The following ANKH variants were observed in gnomAD, a reference collection of about 807,000 sequenced individuals.
ANKH encodes ANKH inorganic pyrophosphate transport regulator, also known as mineralization regulator ANKH.
ANKH carries 15 observed loss-of-function variants against 49.0 expected under a neutral mutation model. The observed-to-expected ratio is 0.31, with a 90% CI of 0.20 to 0.47. The LOEUF (loss-of-function observed/expected upper bound fraction) is 0.47. Ranked by LOEUF, ANKH falls within the 20% of genes least tolerant of loss-of-function variation. ANKH has a pLI of 1.00. For missense variants in ANKH, 429 were observed against 652.0 expected (o/e 0.66, Z 3.72); for synonymous variants, 273 against 260.0 (o/e 1.05, Z -0.48).
chr5:14,865,918 G>C (rs927155729), intron 1 of ANKH, among the ~76,000 whole-genome samples: 3 of 152,114 alleles, frequency 2.0e-5, no homozygotes, highest in Admixed American at 2.0e-4. Context: ...TCTTATTCCA[G>C]GAATTGTCAC....
chr5:14,809,354 A>AAAAAAAAAAAAAAAG (rs1561065397), intron 1 of ANKH, among the ~76,000 whole-genome samples: 9 of 130,300 alleles, frequency 6.9e-5, no homozygotes, highest in East Asian at 2.7e-4. Context: ...AAAAAAAAAA[A>AAAAAAAAAAAAAAAG]AAAGAAAAAA....
intron 11 of ANKH, among the ~76,000 whole-genome samples, chr5:14,712,577 A>G (rs952630598): frequency 1.3e-5 from 2 of 152,240 alleles, no homozygotes; most frequent in African/African-American, 4.8e-5. Flanking sequence ...AAAGCAAGCC[A>G]TAGGCTGAAT....
At chr5:14,767,623 G>A (rs1285550185) in intron 2 of ANKH, among the ~76,000 whole-genome samples, 1 of 152,072 alleles carries the variant, frequency 6.6e-6, no homozygotes, top group Non-Finnish European at 1.5e-5. Flanking sequence ...CAGAATTACT[G>A]ACAACTGATA....
At chr5:14,790,472 A>G (rs1561056475) in intron 1 of ANKH, among the ~76,000 whole-genome samples, 2 of 152,272 alleles carry the variant, frequency 1.3e-5, no homozygotes, top group African/African-American at 4.8e-5. Context: ...ATTTGTTGAC[A>G]TTGGCTGTAA....
intron 1 of ANKH, among the ~76,000 whole-genome samples, chr5:14,866,286 G>A (rs768423723): frequency 6.6e-5 from 10 of 152,212 alleles, no homozygotes; most frequent in East Asian, 1.9e-4. Context: ...GATTACAGGC[G>A]TGAGCCACCG....
chr5:14,834,152 A>T (rs545423180), intron 1 of ANKH, among the ~76,000 whole-genome samples: 2 of 152,260 alleles, frequency 1.3e-5, no homozygotes, highest in East Asian at 3.9e-4. Context: ...AAAGAACAAG[A>T]GCTCTACCCT....
At chr5:14,810,020 C>G (rs1349839346) in intron 1 of ANKH, among the ~76,000 whole-genome samples, 1 of 152,084 alleles carries the variant, frequency 6.6e-6, no homozygotes, top group Admixed American at 6.5e-5. Context: ...GCACTAGTGC[C>G]TGTTTTCCTG....
In ANKH at chr5:14,758,521, C is replaced by T; in HGVS notation, c.391G>A (p.Ala131Thr). Residue 131 changes from alanine to threonine, a missense_variant, in exon 3 of 12, where the codon GCC (alanine) becomes ACC (threonine). This residue lies in a region of ANKH where 378 missense variants were observed against 615.3 expected (regional missense o/e 0.61). Coordinates refer to ENST00000284268, the MANE Select transcript of ANKH (RefSeq NM_054027.6). The part of the protein sequence containing the change: ...DESVGSKTRR[A>T]FLYLAAFPFM... ...GGAAAGGCGGCGAGGTACAGGAAGG[C>T]CCTTCTCGTCTTGCTCCCCACCGAC... is the stretch of plus-strand genomic sequence containing the variant. 2 of 1,614,074 alleles carry T rather than the reference C, an allele frequency of 1.2e-6. No homozygotes were observed. The highest frequency in any genetic ancestry group is 1.7e-6 in the Non-Finnish European group (2 of 1,179,986).
chr5:14,836,095 C>T lies in ANKH; in HGVS notation c.96+35257G>A, dbSNP rs554935958. 6.0e-3 allele frequency among the ~76,000 whole-genome samples: 919 copies of T among 152,054 alleles called. 15 individuals are homozygous for T. The highest frequency in any genetic ancestry group is 0.021 in the African/African-American group (881 of 41,468). On this transcript the variant is annotated intron_variant, in intron 1 of 11. Transcript: ENST00000284268. The stretch of plus-strand genomic sequence containing the variant: ...CTTCATGCTAAAAACTCTCAATAAA[C>T]TAGGTATTGATGGGACGTATCTCAA...
At chr5:14,739,353 G>A (rs1238504697) in intron 8 of ANKH, among the ~76,000 whole-genome samples, 1 of 152,136 alleles carries the variant, frequency 6.6e-6, no homozygotes, top group East Asian at 1.9e-4. Flanking sequence ...GGAAGCAGAG[G>A]TTGCAGTGAG....
At chr5:14,800,833 C>T (rs912394191) in intron 1 of ANKH, among the ~76,000 whole-genome samples, 3 of 150,726 alleles carry the variant, frequency 2.0e-5, no homozygotes, top group Non-Finnish European at 2.9e-5. Context: ...CTCAAGCAAT[C>T]CTCCCACCTC....
chr5:14,838,580 GC>G (rs1295483158), intron 1 of ANKH, among the ~76,000 whole-genome samples: 1 of 152,128 alleles, frequency 6.6e-6, no homozygotes, highest in Non-Finnish European at 1.5e-5. Context: ...CACGTGAGTG[GC>G]AGCCCCTGGG....
chr5:14,831,400 A>G (rs1741502557), intron 1 of ANKH, among the ~76,000 whole-genome samples: 2 of 152,196 alleles, frequency 1.3e-5, no homozygotes, highest in South Asian at 4.1e-4. Flanking sequence ...TGCCTAATAC[A>G]AAGCAACTTT....
intron 8 of ANKH, among the ~76,000 whole-genome samples, chr5:14,735,264 A>G (rs547152174): frequency 6.6e-6 from 1 of 152,224 alleles, no homozygotes; most frequent in Non-Finnish European, 1.5e-5. Context: ...AATAAAAATT[A>G]AACTAAAAAA....
At chr5:14,793,019 T>TAA (rs1237362308) in intron 1 of ANKH, among the ~76,000 whole-genome samples, 2,016 of 78,598 alleles carry the variant, frequency 0.026, 45 homozygotes, top group South Asian at 0.036. Flanking sequence ...TATATATATA[T>TAA]AAATATATAT....
rs778946812 is a variant in ANKH, at chr5:14,749,311, G to C, written c.688-5C>G. ...CTTTCTTATTGTTGCATCTCCCTGT[G>C]TTAAGAAACGAAGATAAAAGTTACC... On this transcript the variant is annotated splice_polypyrimidine_tract_variant and splice_region_variant and intron_variant, in intron 5 of 11. Transcript: ENST00000284268. 6.2e-7 allele frequency: 1 copy of C among 1,613,954 alleles called. No homozygotes were observed. The highest frequency in any genetic ancestry group is 2.2e-5 in the East Asian group (1 of 44,896).
At chr5:14,846,666 C>T (rs111619171) in intron 1 of ANKH, among the ~76,000 whole-genome samples, 1,796 of 152,226 alleles carry the variant, frequency 0.012, 41 homozygotes, top group African/African-American at 0.041. Flanking sequence ...AGTGCACATA[C>T]ATTTGACACC....
At chr5:14,744,947 A>G (rs574366978) in intron 7 of ANKH, among the ~76,000 whole-genome samples, 15 of 152,302 alleles carry the variant, frequency 9.8e-5, no homozygotes, top group African/African-American at 3.6e-4. Flanking sequence ...GGGAGGGGCC[A>G]GCATTACCCA....
At chr5:14,812,793 T>C (rs1740924604) in intron 1 of ANKH, among the ~76,000 whole-genome samples, 1 of 152,228 alleles carries the variant, frequency 6.6e-6, no homozygotes, top group East Asian at 1.9e-4. Flanking sequence ...ATAATTTTTT[T>C]CTTTAACACA....
Sources: gnomAD v4.1 joint callset for allele counts (sites outside exome capture counted in the v4.1 genomes callset) on GRCh38, gnomAD v4.1.1 for gene constraint, gnomAD v4.1.1 regional missense constraint, MANE v1.5 for transcripts, NCBI Gene and HGNC (gene_info 2026-07-23, HGNC 2026-07-21) for gene names.